The following USH2A variants were observed in gnomAD, a reference collection of about 807,000 sequenced individuals.
The protein encoded by USH2A is usherin.
In USH2A, 443 loss-of-function variants were observed where a neutral mutation model predicts 538.9. That is an observed-to-expected ratio of 0.82 (90% CI 0.76 to 0.89). The LOEUF is 0.89. USH2A is among the 40% of genes least tolerant of loss of function. USH2A has a pLI of 0.00. For missense variants in USH2A, 6,633 were observed against 6,324.8 expected (o/e 1.05, Z -1.65); for synonymous variants, 2,413 against 2,273.5 (o/e 1.06, Z -1.75).
chr1:215,772,929 T>C (rs1381691371), intron 55 of USH2A, among the ~76,000 whole-genome samples: 1 of 152,194 alleles, frequency 6.6e-6, no homozygotes, highest in Non-Finnish European at 1.5e-5. Context: ...GTATTGTGAA[T>C]AACCATCCTG....
chr1:215,991,883 A>T (rs1668011471), intron 35 of USH2A, among the ~76,000 whole-genome samples: 6 of 152,226 alleles, frequency 3.9e-5, no homozygotes, highest in Non-Finnish European at 5.9e-5. Context: ...GAACTAGGGT[A>T]CTTTGTGAAG....
intron 61 of USH2A, among the ~76,000 whole-genome samples, chr1:215,696,517 C>T (rs1658816591): frequency 1.3e-5 from 2 of 152,184 alleles, no homozygotes; most frequent in Non-Finnish European, 2.9e-5. Flanking sequence ...TTTTGCCCAG[C>T]ATGGCTACCA....
Position 216,272,313 on chromosome 1 carries a change from C to T in USH2A, c.1971+16967G>A, listed in dbSNP as rs73098665. 5.5e-3 allele frequency among the ~76,000 whole-genome samples: 838 copies of T among 152,080 alleles called. 3 individuals carry two copies. The highest frequency in any genetic ancestry group is 0.019 in the African/African-American group (786 of 41,502). On this transcript the variant is annotated intron_variant, in intron 11 of 71. Coordinates refer to ENST00000307340, the MANE Select transcript of USH2A (RefSeq NM_206933.4). Reference sequence around the variant, plus strand: ...TTTTTAATGTTTATAAAATGTGCAACGACATTGATGTCTCTTTTTTAAATT... The same window carrying T: ...TTTTTAATGTTTATAAAATGTGCAATGACATTGATGTCTCTTTTTTAAATT...
intron 32 of USH2A, among the ~76,000 whole-genome samples, chr1:216,044,500 T>C (rs1322281547): frequency 6.6e-6 from 1 of 152,172 alleles, no homozygotes; most frequent in Non-Finnish European, 1.5e-5. Context: ...AATCATGCCA[T>C]AAGATACTGT....
At chr1:216,128,192 A>G (rs367905001) in intron 21 of USH2A, among the ~76,000 whole-genome samples, 7 of 152,128 alleles carry the variant, frequency 4.6e-5, no homozygotes, top group Admixed American at 6.5e-5. Flanking sequence ...ATATAGTTAA[A>G]AGTTGATTGA....
chr1:216,352,403 T>A (rs2038305028), intron 4 of USH2A, among the ~76,000 whole-genome samples: 1 of 152,114 alleles, frequency 6.6e-6, no homozygotes, highest in Admixed American at 6.6e-5. Context: ...TGTTAATAGG[T>A]CAAAAAGATA....
Position 215,650,684 on chromosome 1 carries a change from C to G in USH2A, c.14251G>C (p.Ala4751Pro). 6.2e-7 allele frequency: 1 copy of G among 1,613,988 alleles called. No homozygotes were observed. The highest frequency in any genetic ancestry group is 8.5e-7 in the Non-Finnish European group (1 of 1,180,006). The change falls in exon 65 of 72, where the codon GCA becomes CCA. Residue 4751 changes from alanine to proline, a missense_variant. Ala to Pro is a conservative substitution (Grantham distance 27). Coordinates refer to ENST00000307340, the MANE Select transcript of USH2A (RefSeq NM_206933.4). Reference sequence around the variant, plus strand: ...CCAGGGGCACTGATGTTGACCACTGCTTGGGTAGAAGAGATCACATGGAAC... The same window carrying G: ...CCAGGGGCACTGATGTTGACCACTGGTTGGGTAGAAGAGATCACATGGAAC... ...PTFHVISSTQ[A>P]VVNISAPGKP...
intron 34 of USH2A, among the ~76,000 whole-genome samples, chr1:215,995,009 G>A (rs1416097939): frequency 6.6e-6 from 1 of 152,034 alleles, no homozygotes; most frequent in African/African-American, 2.4e-5. Context: ...AAATGTTGCA[G>A]CTTCTTATTG....
At chr1:215,699,892 C>T (rs1658950139) in intron 61 of USH2A, among the ~76,000 whole-genome samples, 1 of 152,054 alleles carries the variant, frequency 6.6e-6, no homozygotes. Flanking sequence ...GCTGGTTTTC[C>T]AAGGGAATGC....
At chr1:216,234,120 A>G (rs2035759089) in intron 13 of USH2A, among the ~76,000 whole-genome samples, 1 of 152,200 alleles carries the variant, frequency 6.6e-6, no homozygotes, top group Non-Finnish European at 1.5e-5. Context: ...TCTCTTATCT[A>G]TTATATAGGG....
intron 22 of USH2A, among the ~76,000 whole-genome samples, chr1:216,095,026 A>T (rs1396431780): frequency 2.0e-5 from 3 of 151,970 alleles, no homozygotes; most frequent in African/African-American, 7.3e-5. Context: ...GTATAGAGAG[A>T]CCACTTAGAA....
intron 61 of USH2A, among the ~76,000 whole-genome samples, chr1:215,725,506 G>A (rs1659786841): frequency 6.6e-6 from 1 of 152,126 alleles, no homozygotes; most frequent in Admixed American, 6.5e-5. Context: ...AGATTGCTTT[G>A]TGGAAGATGT....
chr1:215,813,721 G>A lies in USH2A; in HGVS notation c.9739+15C>T. ...GTTCCCATAGTTTTTGAGTACACCT[G>A]GAAATAACCCTCACCTGGTAGAATT... is the stretch of plus-strand genomic sequence containing the variant. On this transcript the variant is annotated intron_variant, in intron 49 of 71. Coordinates refer to ENST00000307340, the MANE Select transcript of USH2A (RefSeq NM_206933.4). 1 of 1,613,666 alleles carries A rather than the reference G, an allele frequency of 6.2e-7. No homozygotes were observed. The highest frequency in any genetic ancestry group is 8.5e-7 in the Non-Finnish European group (1 of 1,179,726).
intron 44 of USH2A, among the ~76,000 whole-genome samples, chr1:215,861,799 A>G (rs531947927): frequency 6.6e-6 from 1 of 151,632 alleles, no homozygotes; most frequent in South Asian, 2.1e-4. Context: ...TAAAAGAAAA[A>G]GAGGAGAATG....
At chr1:216,074,806 C>G (rs1197420841) in intron 27 of USH2A, among the ~76,000 whole-genome samples, 1 of 152,144 alleles carries the variant, frequency 6.6e-6, no homozygotes, top group Non-Finnish European at 1.5e-5. Context: ...TCCCTACCAA[C>G]AAAATCAGAA....
chr1:216,050,560 T>TTTTCTTTCCTTCTTTCTTTC (rs1553294761), intron 30 of USH2A, among the ~76,000 whole-genome samples: 2 of 35,704 alleles, frequency 5.6e-5, no homozygotes, highest in African/African-American at 1.5e-4. Context: ...ATTTGTATCT[T>TTTTCTTTCCTTCTTTCTTTC]TTTCTTTCTT....
intron 11 of USH2A, among the ~76,000 whole-genome samples, chr1:216,287,332 A>G (rs1294920766): frequency 6.6e-6 from 1 of 152,246 alleles, no homozygotes; most frequent in East Asian, 1.9e-4. Context: ...TACAGCTAAT[A>G]TCCTGCTTAT....
intron 15 of USH2A, among the ~76,000 whole-genome samples, chr1:216,208,173 A>T (rs966211636): frequency 1.3e-5 from 2 of 151,884 alleles, no homozygotes; most frequent in Non-Finnish European, 2.9e-5. Flanking sequence ...TTGAGAGTGA[A>T]TTTTCTTTTT....
At position 216,325,589 on chromosome 1, in the gene USH2A, C is replaced by T; in HGVS notation, c.859G>A (p.Glu287Lys). The T allele has an allele frequency of 3.7e-6, 6 of 1,612,950 alleles. No individual in the cohort carries two copies. The highest frequency in any genetic ancestry group is 5.1e-6 in the Non-Finnish European group (6 of 1,179,508). The change falls in exon 6 of 72, where the codon GAA becomes AAA. Residue 287 changes from glutamate (E) to lysine (K), a missense_variant. Physicochemically the swap from Glu to Lys is moderately conservative, Grantham distance 56. Coordinates refer to ENST00000307340, the MANE Select transcript of USH2A (RefSeq NM_206933.4). The part of the protein sequence containing the change: ...QVALTNREIL[E>K]VFSGDLLRLH... Reference sequence around the variant, plus strand: ...CTGAGAAGATCTCCAGAGAAGACTTCCAGAATCTCTCTGTGGGAGTCAAGA... The same window carrying T: ...CTGAGAAGATCTCCAGAGAAGACTTTCAGAATCTCTCTGTGGGAGTCAAGA...
Sources: gnomAD v4.1 joint callset for allele counts (sites outside exome capture counted in the v4.1 genomes callset) on GRCh38, gnomAD v4.1.1 for gene constraint, MANE v1.5 for transcripts, NCBI Gene and HGNC (gene_info 2026-07-23, HGNC 2026-07-21) for gene names.